STK17A: variants seen among roughly 807,000 people sequenced by gnomAD.
STK17A encodes serine/threonine-protein kinase 17A.
STK17A carries 26 observed loss-of-function variants against 43.7 expected under a neutral mutation model. That is an observed-to-expected ratio of 0.60 (90% CI 0.44 to 0.83). STK17A has a LOEUF of 0.83. Ranked by LOEUF, STK17A falls within the 40% of genes least tolerant of loss-of-function variation. The probability of loss-of-function intolerance (pLI) is 0.00; values close to 1 mark genes in which losing one functional copy is unlikely to be tolerated. For synonymous variants in STK17A, 191 were observed against 182.5 expected (o/e 1.05, Z -0.38); for missense variants, 476 against 511.6 (o/e 0.93, Z 0.67).
chr7:43,597,025 C>T (rs1242849163), intron 2 of STK17A, among the ~76,000 whole-genome samples: 7 of 151,710 alleles, frequency 4.6e-5, no homozygotes, highest in Non-Finnish European at 8.8e-5. Flanking sequence ...TTTAAAAAAA[C>T]AAAAAAGACT....
intron 2 of STK17A, among the ~76,000 whole-genome samples, chr7:43,597,615 C>A (rs568295175): frequency 6.6e-6 from 1 of 152,242 alleles, no homozygotes; most frequent in African/African-American, 2.4e-5. Flanking sequence ...AAACTCCTGA[C>A]CTCAGGTGAT....
At chr7:43,613,555 G>A (rs1398163246) in intron 3 of STK17A, among the ~76,000 whole-genome samples, 1 of 152,040 alleles carries the variant, frequency 6.6e-6, no homozygotes, top group African/African-American at 2.4e-5. Context: ...AAGTAGACTA[G>A]AAGAAGGCCA....
chr7:43,583,562 G>A, intron 1 of STK17A, 113 bp downstream of exon 1: 1 of 951,696 alleles, frequency 1.1e-6, no homozygotes, highest in Non-Finnish European at 1.4e-6. Flanking sequence ...TGCTGCTGCC[G>A]ATAACGCGCG....
At chr7:43,588,164 A>T (rs1352313724) in intron 1 of STK17A, among the ~76,000 whole-genome samples, 14 of 151,554 alleles carry the variant, frequency 9.2e-5, no homozygotes, top group East Asian at 1.9e-4. Flanking sequence ...TATTTTTTTT[A>T]AATTATTATC....
Position 43,608,153 on chromosome 7 carries a change from A to G in STK17A, c.420-103A>G, listed in dbSNP as rs2082628311. On this transcript the variant is annotated intron_variant, in intron 2 of 6. Coordinates refer to ENST00000319357, the MANE Select transcript of STK17A (RefSeq NM_004760.3). ...TAAAAATACATTTTTTAAAAAAGGT[A>G]TACAGTTACTGCCAGACTGTAATTA... The G allele has an allele frequency of 7.9e-6, 9 of 1,136,462 alleles. 1 individual carries two copies. The South Asian group carries it at 1.3e-4, about 16-fold the overall frequency. The allele number at this position is 1,136,462 out of a possible 1,614,324, so 70.4% of individuals were successfully genotyped here. A position where few individuals can be genotyped will look rare whatever the true frequency, so the allele number is the denominator to read the frequency against.
chr7:43,587,163 T>G lies in STK17A; in HGVS notation c.206+3714T>G, dbSNP rs2152970321. 1.4e-5 allele frequency among the ~76,000 whole-genome samples: 2 copies of G among 143,730 alleles called. 1 individual carries two copies. The highest frequency in any genetic ancestry group is 3.9e-4 in the East Asian group (2 of 5,112). The allele number at this position is 143,730 out of a possible 152,430, so 94.3% of individuals were successfully genotyped here. On this transcript the variant is annotated intron_variant, in intron 1 of 6. Coordinates refer to ENST00000319357, the MANE Select transcript of STK17A (RefSeq NM_004760.3). ...GTTTTTATTGTTTTTTGTTTTTTTT[T>G]TTTTTTTTTGAGATGGAGTCTCGCT...
intron 2 of STK17A, among the ~76,000 whole-genome samples, chr7:43,607,313 CT>C (rs1017501662): frequency 2.0e-5 from 3 of 151,878 alleles, no homozygotes; most frequent in African/African-American, 7.3e-5. Flanking sequence ...CTTATGTAAA[CT>C]ACTTAAATTG....
intron 2 of STK17A, among the ~76,000 whole-genome samples, chr7:43,603,585 A>G (rs2082569632): frequency 6.6e-6 from 1 of 152,228 alleles, no homozygotes; most frequent in Admixed American, 6.5e-5. Context: ...ACCTGATGCC[A>G]CAGTAGAAAA....
intron 2 of STK17A, among the ~76,000 whole-genome samples, chr7:43,600,816 G>T (rs1169742188): frequency 6.6e-6 from 1 of 152,152 alleles, no homozygotes; most frequent in East Asian, 1.9e-4. Flanking sequence ...CTGGCCTCAA[G>T]CAATCCTCCT....
chr7:43,596,198 A>C, intron 2 of STK17A, 85 bp downstream of exon 2: 1 of 1,270,958 alleles, frequency 7.9e-7, no homozygotes, highest in East Asian at 2.4e-5. Flanking sequence ...TAATGTTGCC[A>C]GGCCTGGTTC....
chr7:43,618,163 ATAGAG>A (rs2083517337), intron 3 of STK17A, among the ~76,000 whole-genome samples: 1 of 152,204 alleles, frequency 6.6e-6, no homozygotes. Flanking sequence ...TAACAGAACA[ATAGAG>A]TAAGCATGCT....
At position 43,625,455 on chromosome 7, in the gene STK17A, A is replaced by T. The variant is rs1156805913; in HGVS notation, c.*613A>T. 6.6e-6 allele frequency: 1 copy of T among 152,056 alleles called. No individual in the cohort carries two copies. The highest frequency in any genetic ancestry group is 1.5e-5 in the Non-Finnish European group (1 of 68,000). The allele number at this position is 152,056 out of a possible 1,614,324, so 9.4% of individuals were successfully genotyped here. ...TAGTAACATATCAGTGAAAAACCCTAATTTTTTTTCTCTTCAATGTCACTA... is the reference window on the plus strand; with the variant it reads ...TAGTAACATATCAGTGAAAAACCCTTATTTTTTTTCTCTTCAATGTCACTA... On this transcript the variant is annotated 3_prime_UTR_variant, in exon 7 of 7. Transcript: ENST00000319357.
intron 4 of STK17A, among the ~76,000 whole-genome samples, chr7:43,620,895 G>A (rs1345542802): frequency 1.3e-5 from 2 of 152,158 alleles, no homozygotes; most frequent in Non-Finnish European, 2.9e-5. Flanking sequence ...GAATGGAGAA[G>A]GCTGTGGCCT....
chr7:43,603,192 G>A (rs939358907), intron 2 of STK17A, among the ~76,000 whole-genome samples: 1 of 152,110 alleles, frequency 6.6e-6, no homozygotes, highest in Non-Finnish European at 1.5e-5. Context: ...GCTTAGAAAC[G>A]TTTGGTGGCT....
chr7:43,590,102 C>T (rs938316087), intron 1 of STK17A, among the ~76,000 whole-genome samples: 7 of 150,234 alleles, frequency 4.7e-5, no homozygotes, highest in African/African-American at 1.2e-4. Context: ...CACACAACCA[C>T]GCCTGTCTAA....
At chr7:43,616,625 C>T (rs184385488) in intron 3 of STK17A, among the ~76,000 whole-genome samples, 5 of 152,130 alleles carry the variant, frequency 3.3e-5, no homozygotes, top group East Asian at 1.9e-4. Context: ...TGGCCGGGCG[C>T]GGTGGCTCAC....
intron 4 of STK17A, chr7:43,622,980 C>T (rs2084078587): frequency 6.6e-6 from 1 of 152,350 alleles, no homozygotes; most frequent in Admixed American, 6.5e-5. Flanking sequence ...GGGTACCCAG[C>T]CTCAAAGCAT....
At chr7:43,620,214 A>C (rs1215988321) in intron 4 of STK17A, among the ~76,000 whole-genome samples, 2 of 152,210 alleles carry the variant, frequency 1.3e-5, no homozygotes, top group Admixed American at 1.3e-4. Flanking sequence ...AAAGCAGCTG[A>C]ATGATGATAC....
chr7:43,614,731 T>C (rs2083190159), intron 3 of STK17A, among the ~76,000 whole-genome samples: 1 of 152,204 alleles, frequency 6.6e-6, no homozygotes, highest in Non-Finnish European at 1.5e-5. Flanking sequence ...TTAACTTCAT[T>C]TTTAGAAAGT....
Sources: allele counts gnomAD v4.1 joint callset (sites outside exome capture counted in the v4.1 genomes callset), GRCh38; gene constraint gnomAD v4.1.1; transcripts MANE v1.5; gene names NCBI Gene and HGNC (gene_info 2026-07-23, HGNC 2026-07-21).